Variants in MN1 observed in about 807,000 individuals in gnomAD.
MN1 encodes MN1 proto-oncogene, transcriptional regulator.
A neutral mutation model predicts 86.9 loss-of-function variants in MN1; 19 were observed. The ratio of observed to expected loss-of-function variants is 0.22; its 90% CI spans 0.15 to 0.32. MN1 has a LOEUF of 0.32. MN1 is among the 10% of genes least tolerant of loss of function. The pLI is 1.00. For synonymous variants in MN1, 928 were observed against 849.6 expected, an observed-to-expected ratio of 1.09 and a Z score of -1.60; for missense variants, 1,841 against 1,862.0, an observed-to-expected ratio of 0.99 and a Z score of 0.21.
At chr22:27,751,418 G>A (rs776934850) in intron 1 of MN1, among the ~76,000 whole-genome samples, 18 of 152,146 alleles carry the variant, frequency 1.2e-4, no homozygotes, top group Non-Finnish European at 2.1e-4. Flanking sequence ...TTAACTGGAC[G>A]TGATCTAAGT....
At chr22:27,776,022 G>A (rs1449817956) in intron 1 of MN1, among the ~76,000 whole-genome samples, 1 of 152,176 alleles carries the variant, frequency 6.6e-6, no homozygotes, top group Non-Finnish European at 1.5e-5. Flanking sequence ...AAGCAGTGGG[G>A]GCTGCAAATT....
At chr22:27,772,413 T>G (rs964511954) in intron 1 of MN1, among the ~76,000 whole-genome samples, 4 of 152,160 alleles carry the variant, frequency 2.6e-5, no homozygotes, top group Non-Finnish European at 5.9e-5. Context: ...ATAGAGCAGT[T>G]AGAGTGTGGG....
intron 1 of MN1, among the ~76,000 whole-genome samples, chr22:27,755,437 G>A (rs1168298337): frequency 3.9e-5 from 6 of 152,172 alleles, no homozygotes; most frequent in Non-Finnish European, 7.4e-5. Flanking sequence ...GGGGACTGAT[G>A]GGCATGCCTG....
chr22:27,757,031 G>T (rs1932806220), intron 1 of MN1, among the ~76,000 whole-genome samples: 1 of 152,172 alleles, frequency 6.6e-6, no homozygotes, highest in African/African-American at 2.4e-5. Context: ...AAAGTGCTGG[G>T]ATTACAGGGG....
At chr22:27,796,634 T>C in intron 1 of MN1, 129 bp downstream of exon 1, 1 of 917,662 alleles carries the variant, frequency 1.1e-6, no homozygotes, top group Non-Finnish European at 1.6e-6. Flanking sequence ...GATAACCAGC[T>C]CCTAGTTGGG....
chr22:27,797,970 C>T lies in MN1; in HGVS notation c.2574G>A (p.Arg858=). ...FNKKNPPEGK[R]KLSQNETDGA... ...CGTCGGTCTCGTTCTGGCTCAGTTTCCTCTTGCCCTCTGGCGGGTTCTTCT... is the reference window on the plus strand; with the variant it reads ...CGTCGGTCTCGTTCTGGCTCAGTTTTCTCTTGCCCTCTGGCGGGTTCTTCT... The change falls in exon 1 of 2, where the codon AGG becomes AGA. Residue 858 remains arginine, a synonymous_variant. Coordinates refer to ENST00000302326, the MANE Select transcript of MN1 (RefSeq NM_002430.3). The T allele has an allele frequency of 6.3e-7, 1 of 1,590,480 alleles. No individual in the cohort carries two copies. The highest frequency in any genetic ancestry group is 2.2e-5 in the East Asian group (1 of 44,626).
rs1235179336 is a variant in MN1 at position 27,800,747 on chromosome 22, C to G, written c.-204G>C. 7.9e-6 allele frequency: 5 copies of G among 633,966 alleles called. No individual in the cohort carries two copies. Among genetic ancestry groups the G allele is most frequent in the Non-Finnish European group, 1.3e-5 (5 of 370,526 alleles). 39.3% of individuals were successfully genotyped at this position (633,966 alleles called of 1,614,324 possible). ...CCTCTCCTGAAGCTCCGATTCTGCC[C>G]GGGGAGGGCCTCTCACATCTTGCGA... On this transcript the variant is annotated 5_prime_UTR_variant, in exon 1 of 2. Transcript: ENST00000302326.
Position 27,797,931 on chromosome 22 carries a change from G to T in MN1, c.2613C>A (p.Ala871=). The change falls in exon 1 of 2, where the codon GCC becomes GCA. Residue 871 remains alanine, a synonymous_variant. Transcript: ENST00000302326. ...SQNETDGAAV[A]GNPGSDYFPG... is the part of the protein sequence containing the mutation. Reference sequence around the variant, plus strand: ...GGAAGTAATCCGAGCCCGGGTTGCCGGCCACTGCCGCGCCGTCGGTCTCGT... The same window carrying T: ...GGAAGTAATCCGAGCCCGGGTTGCCTGCCACTGCCGCGCCGTCGGTCTCGT... 3 of 1,599,376 alleles carry T rather than the reference G, an allele frequency of 1.9e-6. No individual in the cohort carries two copies. The highest frequency in any genetic ancestry group is 2.6e-6 in the Non-Finnish European group (3 of 1,172,450).
rs761791661 is a variant in MN1 at position 27,799,000 on chromosome 22, G to C, written c.1544C>G (p.Pro515Arg). The C allele has an allele frequency of 1.2e-6, 2 of 1,608,530 alleles. No individual in the cohort carries two copies. Among genetic ancestry groups the C allele is most frequent in the South Asian group, 1.1e-5 (1 of 90,458 alleles). Residue 515 changes from proline to arginine, a missense_variant, in exon 1 of 2, where the codon CCG becomes CGG. Pro to Arg is a moderately radical substitution (Grantham distance 103). Transcript: ENST00000302326. The stretch of plus-strand genomic sequence containing the variant: ...TTGCAGGGACTGGTGGTCCGGGGCC[G>C]GATGCTGCAGGGGCGGCCCCGAAGG... ...SFPSGPPLQH[P>R]APDHQSLQQQ...
chr22:27,759,506 T>G lies in MN1; in HGVS notation c.3782-8410A>C, dbSNP rs1932821125. 4.6e-5 allele frequency among the ~76,000 whole-genome samples: 7 copies of G among 152,210 alleles called. No homozygotes were observed. In the South Asian group the frequency reaches 1.2e-3, roughly 27 times the overall value. Reference sequence around the variant, plus strand: ...CCCAGACACGCATCAGCTTAGAGGTTGTCCCAACTCTGAGCTTGGAGGCCT... The same window carrying G: ...CCCAGACACGCATCAGCTTAGAGGTGGTCCCAACTCTGAGCTTGGAGGCCT... On this transcript the variant is annotated intron_variant, in intron 1 of 1. Coordinates refer to ENST00000302326, the MANE Select transcript of MN1 (RefSeq NM_002430.3).
At chr22:27,771,842 C>T (rs960459366) in intron 1 of MN1, among the ~76,000 whole-genome samples, 9 of 152,126 alleles carry the variant, frequency 5.9e-5, no homozygotes, top group African/African-American at 2.2e-4. Flanking sequence ...AACTGAGGCT[C>T]GGAGAAAGGA....
At chr22:27,776,260 C>A (rs1932977083) in intron 1 of MN1, among the ~76,000 whole-genome samples, 1 of 152,148 alleles carries the variant, frequency 6.6e-6, no homozygotes, top group South Asian at 2.1e-4. Flanking sequence ...GGGGGATTCA[C>A]TTAGAGGTCC....
At chr22:27,760,754 G>A (rs1932829294) in intron 1 of MN1, among the ~76,000 whole-genome samples, 2 of 152,234 alleles carry the variant, frequency 1.3e-5, no homozygotes, top group South Asian at 4.1e-4. Flanking sequence ...CTATGCCTGT[G>A]TCCCCTGCCC....
At chr22:27,796,190 A>T (rs1933291809) in intron 1 of MN1, among the ~76,000 whole-genome samples, 1 of 152,214 alleles carries the variant, frequency 6.6e-6, no homozygotes, top group African/African-American at 2.4e-5. Context: ...GCTATTCATT[A>T]GGAACAAATG....
Position 27,797,193 on chromosome 22 carries a change from G to A in MN1, c.3351C>T (p.Ser1117=). ...IMSNSTSTPD[S]YGGGGGPGHP... is the part of the protein sequence containing the mutation. Reference sequence around the variant, plus strand: ...GGCCCGGGCCCCCACCGCCGCCGTAGCTGTCAGGGGTCGAGGTAGAGTTAG... The same window carrying A: ...GGCCCGGGCCCCCACCGCCGCCGTAACTGTCAGGGGTCGAGGTAGAGTTAG... The change falls in exon 1 of 2, where the codon AGC becomes AGT. Residue 1117 remains serine, a synonymous_variant. Coordinates refer to ENST00000302326, the MANE Select transcript of MN1 (RefSeq NM_002430.3). 1 of 1,558,996 alleles carries A rather than the reference G, an allele frequency of 6.4e-7. No individual in the cohort carries two copies.
chr22:27,751,257 T>G (rs774270017), intron 1 of MN1, among the ~76,000 whole-genome samples, 161 bp from the exon 2 acceptor site: 2 of 152,206 alleles, frequency 1.3e-5, no homozygotes, highest in Non-Finnish European at 2.9e-5. Context: ...TTGTTTTGAA[T>G]CTTCTTGCTG....
intron 1 of MN1, among the ~76,000 whole-genome samples, chr22:27,782,181 G>C (rs1933062798): frequency 6.6e-6 from 1 of 152,196 alleles, no homozygotes. Context: ...GATGGTGGCA[G>C]GCTGTGACCA....
chr22:27,786,821 C>G (rs1248562482), intron 1 of MN1, among the ~76,000 whole-genome samples: 3 of 148,160 alleles, frequency 2.0e-5, no homozygotes, highest in African/African-American at 7.6e-5. Flanking sequence ...CCAGGCAATC[C>G]GGGCCCATTA....
In MN1 at chr22:27,750,288, CG is replaced by C. The variant is rs111847128; in HGVS notation, c.*626del. The C allele has an allele frequency of 0.016, 3,661 of 230,624 alleles. 141 individuals carry two copies. Among genetic ancestry groups the C allele is most frequent in the African/African-American group, 0.076 (3,432 of 45,280 alleles). 14.3% of individuals were successfully genotyped at this position (230,624 alleles called of 1,614,324 possible). On this transcript the variant is annotated 3_prime_UTR_variant, in exon 2 of 2. Transcript: ENST00000302326. Reference sequence around the variant, plus strand: ...GGAACAGACAAAACAAAATCCCAGGCGGAATACCTAAGAGGGGCATTCATTG... The same window carrying C: ...GGAACAGACAAAACAAAATCCCAGGCGAATACCTAAGAGGGGCATTCATTG...
Sources: gnomAD v4.1 joint callset for allele counts (sites outside exome capture counted in the v4.1 genomes callset) on GRCh38, gnomAD v4.1.1 for gene constraint, MANE v1.5 for transcripts, NCBI Gene and HGNC (gene_info 2026-07-23, HGNC 2026-07-21) for gene names.